Variants in SPMIP3 observed in about 807,000 individuals in gnomAD.
SPMIP3 encodes sperm microtubule inner protein 3, also known as protein SPMIP3.
the SPMIP3 span, among the ~76,000 whole-genome samples, chr1:244,365,451 C>T: frequency 3.3e-5 from 5 of 152,180 alleles, no homozygotes; most frequent in Non-Finnish European, 7.3e-5. Context: ...TCTTGCCTGC[C>T]GCCATGGAAG....
At chr1:244,362,030 T>A in the SPMIP3 span, among the ~76,000 whole-genome samples, 7 of 152,214 alleles carry the variant, frequency 4.6e-5, no homozygotes, top group African/African-American at 1.7e-4. Context: ...CTCTCTTTTT[T>A]AAATAATCAC....
chr1:244,360,560 G>A, the SPMIP3 span, among the ~76,000 whole-genome samples: 232 of 10,382 alleles, frequency 0.022, 13 homozygotes, highest in South Asian at 0.11. Context: ...ACACACACAT[G>A]CATGCATGGA....
chr1:244,382,649 G>C, the SPMIP3 span, among the ~76,000 whole-genome samples: 4 of 143,692 alleles, frequency 2.8e-5, no homozygotes, highest in Non-Finnish European at 6.0e-5. Context: ...TGTTGCCCAG[G>C]CTGGAGTGCA....
At chr1:244,364,591 AT>A in the SPMIP3 span, 1 of 1,028,914 alleles carries the variant, frequency 9.7e-7, no homozygotes, top group African/African-American at 1.6e-5. Context: ...ATTTTTACTG[AT>A]TTCTTTCAAG....
the SPMIP3 span, chr1:244,378,394 G>A: frequency 1.2e-5 from 17 of 1,452,196 alleles, no homozygotes; most frequent in African/African-American, 1.7e-4. Flanking sequence ...CCAGGGAATG[G>A]ATTCCAGCTG....
At chr1:244,353,034 A>G in the SPMIP3 span, among the ~76,000 whole-genome samples, 2 of 152,224 alleles carry the variant, frequency 1.3e-5, no homozygotes, top group African/African-American at 4.8e-5. Context: ...TAGGTTTTAA[A>G]AACTGTGAAC....
At chr1:244,375,603 G>A in the SPMIP3 span, 4 of 535,460 alleles carry the variant, frequency 7.5e-6, no homozygotes, top group African/African-American at 7.8e-5. Context: ...GAAGAGGTTT[G>A]CAAGAAAATA....
chr1:244,382,789 A>G, the SPMIP3 span, among the ~76,000 whole-genome samples: 2 of 151,764 alleles, frequency 1.3e-5, no homozygotes, highest in Non-Finnish European at 2.9e-5. Flanking sequence ...TTTTTAGTAG[A>G]GGTGCGGTTT....
chr1:244,369,137 C>T, the SPMIP3 span, among the ~76,000 whole-genome samples: 69 of 152,028 alleles, frequency 4.5e-4, no homozygotes, highest in African/African-American at 1.5e-3. Flanking sequence ...TCCAGCCTGG[C>T]GACAGAGCCA....
At chr1:244,373,919 T>G in the SPMIP3 span, among the ~76,000 whole-genome samples, 8 of 151,846 alleles carry the variant, frequency 5.3e-5, no homozygotes, top group Non-Finnish European at 1.0e-4. Flanking sequence ...TTTGAGACCA[T>G]CCTAGCCACC....
chr1:244,352,801 T>C, the SPMIP3 span: 2 of 152,216 alleles, frequency 1.3e-5, no homozygotes, highest in Non-Finnish European at 2.9e-5. Flanking sequence ...CATTACTAAA[T>C]GGTTGACTGC....
the SPMIP3 span, among the ~76,000 whole-genome samples, chr1:244,364,045 A>C: frequency 2.0e-5 from 3 of 152,142 alleles, no homozygotes; most frequent in Admixed American, 2.0e-4. Flanking sequence ...AAAACCAAAA[A>C]AACAATGAAG....
the SPMIP3 span, among the ~76,000 whole-genome samples, chr1:244,379,333 C>T: frequency 2.0e-5 from 3 of 151,584 alleles, no homozygotes; most frequent in Admixed American, 1.3e-4. Context: ...TCCTAAGTGG[C>T]TGAGACTACA....
chr1:244,358,026 C>T, the SPMIP3 span, among the ~76,000 whole-genome samples: 748 of 152,184 alleles, frequency 4.9e-3, 8 homozygotes, highest in African/African-American at 0.017. Flanking sequence ...AGGTTGAGAC[C>T]AGCCTAGCCA....
the SPMIP3 span, chr1:244,389,188 A>G: frequency 1.4e-6 from 1 of 727,758 alleles, no homozygotes; most frequent in African/African-American, 1.8e-5. Flanking sequence ...ATCCTAAAAT[A>G]TTTACATGTT....
chr1:244,378,227 G>A, the SPMIP3 span, among the ~76,000 whole-genome samples: 1 of 152,210 alleles, frequency 6.6e-6, no homozygotes, highest in South Asian at 2.1e-4. Flanking sequence ...AGTGTGATAC[G>A]CATCACCTCC....
At chr1:244,373,608 G>A in the SPMIP3 span, among the ~76,000 whole-genome samples, 2 of 151,300 alleles carry the variant, frequency 1.3e-5, no homozygotes, top group Non-Finnish European at 2.9e-5. Flanking sequence ...TAGATATTTT[G>A]TAATATCTCT....
the SPMIP3 span, among the ~76,000 whole-genome samples, chr1:244,358,361 A>G: frequency 1.3e-5 from 2 of 152,288 alleles, no homozygotes; most frequent in East Asian, 1.9e-4. Flanking sequence ...AGGTGGGTGG[A>G]TTACTTGAGG....
the SPMIP3 span, among the ~76,000 whole-genome samples, chr1:244,384,573 C>CA: frequency 6.6e-6 from 1 of 152,142 alleles, no homozygotes; most frequent in African/African-American, 2.4e-5. Context: ...AGGCTATACC[C>CA]AATACCAGTT....
Sources: gnomAD v4.1 joint callset for allele counts (sites outside exome capture counted in the v4.1 genomes callset) on GRCh38, gnomAD v4.1.1 for gene constraint, MANE v1.5 for transcripts, NCBI Gene and HGNC (gene_info 2026-07-23, HGNC 2026-07-21) for gene names.